Variants in TNS1 observed in about 807,000 individuals in gnomAD.
The protein encoded by TNS1 is tensin 1, also known as tensin-1.
Under a neutral mutation model 168.6 loss-of-function variants are expected in TNS1, and 62 were observed. That is an observed-to-expected ratio of 0.37 (90% CI 0.30 to 0.45). The LOEUF (loss-of-function observed/expected upper bound fraction) is 0.45, where lower values mean the gene tolerates loss of function less well. TNS1 is among the 20% of genes least tolerant of loss of function. TNS1 has a pLI of 1.00. For synonymous variants in TNS1, 934 were observed against 933.2 expected (o/e 1.00, Z -0.02); for missense variants, 2,240 against 2,339.4 (o/e 0.96, Z 0.88).
At chr2:217,888,843 T>G (rs529745450) in intron 12 of TNS1, among the ~76,000 whole-genome samples, 3 of 152,292 alleles carry the variant, frequency 2.0e-5, no homozygotes, top group Admixed American at 6.5e-5. Context: ...ATCAGCAGCA[T>G]GAAAATGGAC....
chr2:217,902,856 C>G (rs554780793), intron 6 of TNS1, among the ~76,000 whole-genome samples: 58 of 152,268 alleles, frequency 3.8e-4, no homozygotes, highest in Non-Finnish European at 7.9e-4. Context: ...ACGGGGCTTC[C>G]TGTTTTCTGC....
At position 217,848,745 on chromosome 2, in the gene TNS1, C is replaced by A. The variant is rs368810573; in HGVS notation, c.1772G>T (p.Arg591Leu). 1 of 1,614,098 alleles carries A rather than the reference C, an allele frequency of 6.2e-7. No individual in the cohort carries two copies. Among genetic ancestry groups the A allele is most frequent in the Non-Finnish European group, 8.5e-7 (1 of 1,180,042 alleles). Residue 591 changes from arginine (R) to leucine (L), a missense_variant, in exon 19 of 33, where the codon CGC becomes CTC. Physicochemically the swap from Arg to Leu is moderately radical, Grantham distance 102. This residue lies in a region of TNS1 where 2,131 missense variants were observed against 2,171.2 expected (regional missense o/e 0.98). Coordinates refer to ENST00000682258, the MANE Select transcript of TNS1 (RefSeq NM_001387777.1). ...AMYHTQHLRS[R>L]PAGGSAVPSS... ...GGGCACAGCCGAGCCCCCTGCTGGG[C>A]GGGACCTGAGGTGCTGGGTGTGGTA...
intron 8 of TNS1, among the ~76,000 whole-genome samples, chr2:217,895,291 C>T (rs1952176197): frequency 6.6e-6 from 1 of 152,180 alleles, no homozygotes. Flanking sequence ...CTCTCTCTCC[C>T]CGATAGGAAT....
At position 217,894,994 on chromosome 2, in the gene TNS1, C is replaced by G. The variant is rs371278875; in HGVS notation, c.594+12G>C. The stretch of plus-strand genomic sequence containing the variant: ...CTTCTCCTCCCCTACCCCAAAACAG[C>G]CCCTGGCTCACCTTGGCATGGAGCT... On this transcript the variant is annotated intron_variant, in intron 9 of 32. Transcript: ENST00000682258. 5.5e-5 allele frequency: 88 copies of G among 1,612,518 alleles called. No individual in the cohort carries two copies. The highest frequency in any genetic ancestry group is 6.8e-5 in the Non-Finnish European group (80 of 1,179,502).
intron 8 of TNS1, among the ~76,000 whole-genome samples, chr2:217,895,388 GGAGAGAGA>G (rs147905922): frequency 6.6e-6 from 1 of 152,042 alleles, no homozygotes; most frequent in African/African-American, 2.4e-5. Flanking sequence ...GGATGAAAAG[GGAGAGAGA>G]GAGAGATGTA....
chr2:217,983,807 C>T (rs1958118945), intron 2 of TNS1, among the ~76,000 whole-genome samples: 1 of 152,230 alleles, frequency 6.6e-6, no homozygotes, highest in Non-Finnish European at 1.5e-5. Flanking sequence ...CCTGCCAGTT[C>T]ATCTCCAGGA....
At chr2:217,909,440 G>A (rs192613849) in intron 4 of TNS1, among the ~76,000 whole-genome samples, 4 of 152,222 alleles carry the variant, frequency 2.6e-5, no homozygotes, top group Admixed American at 2.6e-4. Flanking sequence ...GCCCAGAAAA[G>A]CCTCTCTTCC....
chr2:218,013,578 A>G (rs1293878650), upstream of TNS1, among the ~76,000 whole-genome samples: 1 of 152,014 alleles, frequency 6.6e-6, no homozygotes, highest in Non-Finnish European at 1.5e-5. Flanking sequence ...GCTGGTCACC[A>G]TCCTCCCAGG....
At chr2:218,019,187 G>A (rs375285850) in intron 1 of TNS1, among the ~76,000 whole-genome samples, 1 of 152,176 alleles carries the variant, frequency 6.6e-6, no homozygotes, top group East Asian at 1.9e-4. Context: ...GGAAGATAAG[G>A]GTGAAGGCTG....
At chr2:218,023,141 C>A (rs1958823384) in intron 1 of TNS1, among the ~76,000 whole-genome samples, 1 of 152,204 alleles carries the variant, frequency 6.6e-6, no homozygotes, top group Non-Finnish European at 1.5e-5. Flanking sequence ...TACCAAGGGA[C>A]CATTGAGAAC....
chr2:217,993,359 T>C (rs1958412949), intron 1 of TNS1, among the ~76,000 whole-genome samples: 2 of 152,220 alleles, frequency 1.3e-5, no homozygotes, highest in Admixed American at 1.3e-4. Context: ...AAAGTAACTT[T>C]TCCTGGCTTC....
rs1203747929 is a variant in TNS1, at chr2:217,966,317, G to GCGCGCGCA, written c.186+12447_186+12448insTGCGCGCG. 2.6e-5 allele frequency among the ~76,000 whole-genome samples: 4 copies of GCGCGCGCA among 151,610 alleles called. No individual in the cohort carries two copies. The East Asian group carries it at 7.8e-4, about 30-fold the overall frequency. On this transcript the variant is annotated intron_variant, in intron 3 of 32. Coordinates refer to ENST00000682258, the MANE Select transcript of TNS1 (RefSeq NM_001387777.1). The stretch of plus-strand genomic sequence containing the variant: ...TGTGTGTGTGTGTGTGTGCGCGCGC[G>GCGCGCGCA]CGCGTGTGTAAGGAGACAGCAAGAG...
intron 1 of TNS1, among the ~76,000 whole-genome samples, chr2:218,031,103 TGTATGAGTG>T (rs1958890130): frequency 8.6e-6 from 1 of 116,674 alleles, no homozygotes; most frequent in African/African-American, 5.6e-5. Context: ...CGTGTCTGTG[TGTATGAGTG>T]TGTGTGAGCA....
chr2:217,934,317 C>A (rs1956485030), intron 3 of TNS1, among the ~76,000 whole-genome samples: 1 of 152,150 alleles, frequency 6.6e-6, no homozygotes, highest in African/African-American at 2.4e-5. Context: ...AGGTGTGGCA[C>A]CCTGCTGGCC....
chr2:217,803,137 G>A lies in TNS1; in HGVS notation c.*1322C>T. The A allele has an allele frequency of 6.6e-6, 1 of 152,410 alleles. No individual in the cohort carries two copies. 9.4% of individuals were successfully genotyped at this position (152,410 alleles called of 1,614,324 possible). ...TGCAGGCAGCAGGCCCAGGAGCTCTGCTGAGGTCAGAGGGTGCCTGCAAAA... is the reference window on the plus strand; with the variant it reads ...TGCAGGCAGCAGGCCCAGGAGCTCTACTGAGGTCAGAGGGTGCCTGCAAAA... On this transcript the variant is annotated 3_prime_UTR_variant, in exon 33 of 33. Coordinates refer to ENST00000682258, the MANE Select transcript of TNS1 (RefSeq NM_001387777.1).
chr2:218,007,568 G>GC (rs1465766172), upstream of TNS1, among the ~76,000 whole-genome samples: 12 of 76,040 alleles, frequency 1.6e-4, no homozygotes, highest in East Asian at 1.2e-3. Flanking sequence ...TCGGGGGGTG[G>GC]GGGGGGGGGT....
chr2:217,841,365 C>A, intron 19 of TNS1: 1 of 695,024 alleles, frequency 1.4e-6, no homozygotes, highest in Non-Finnish European at 1.8e-6. Flanking sequence ...AGGCAGGCAC[C>A]CCACCAACAG....
intron 3 of TNS1, among the ~76,000 whole-genome samples, chr2:217,957,963 G>A (rs1476402473): frequency 2.7e-5 from 4 of 147,184 alleles, no homozygotes; most frequent in African/African-American, 7.8e-5. Flanking sequence ...ATCATTCTTG[G>A]TACTTCTGTA....
chr2:218,010,214 C>A (rs977005871), exon 1 of TNS1: 2 of 398,930 alleles, frequency 5.0e-6, no homozygotes, highest in Admixed American at 8.8e-5. Context: ...CGAGAGTGGG[C>A]GCCTGGGGCG....
Sources: gnomAD v4.1 joint callset for allele counts (sites outside exome capture counted in the v4.1 genomes callset) on GRCh38, gnomAD v4.1.1 for gene constraint, gnomAD v4.1.1 regional missense constraint, MANE v1.5 for transcripts, NCBI Gene and HGNC (gene_info 2026-07-23, HGNC 2026-07-21) for gene names.